MARCHF1: variants seen among roughly 807,000 people sequenced by gnomAD.
MARCHF1 encodes the protein membrane associated ring-CH-type finger 1, also known as E3 ubiquitin-protein ligase MARCHF1.
In MARCHF1, 40 loss-of-function variants were observed where a neutral mutation model predicts 54.2. The observed-to-expected ratio is 0.74, with a 90% CI of 0.57 to 0.96. The LOEUF is 0.96. MARCHF1 is among the 40% of genes least tolerant of loss of function. The pLI is 0.00. For missense variants in MARCHF1, 586 were observed against 656.5 expected, an observed-to-expected ratio of 0.89 and a Z score of 1.17; for synonymous variants, 236 against 236.3, an observed-to-expected ratio of 1.00 and a Z score of 0.01.
At chr4:163,616,058 A>G (rs1442313776) in intron 5 of MARCHF1, among the ~76,000 whole-genome samples, 2 of 152,188 alleles carry the variant, frequency 1.3e-5, no homozygotes, top group African/African-American at 4.8e-5. Context: ...ACTATATATA[A>G]AAATCAACTC....
rs970412607 is a variant in MARCHF1 at position 163,751,165 on chromosome 4, G to A, written c.112-50302C>T. 9.4e-4 allele frequency among the ~76,000 whole-genome samples: 142 copies of A among 151,118 alleles called. 3 individuals are homozygous for A. The highest frequency in any genetic ancestry group is 7.9e-4 in the Admixed American group (12 of 15,178). ...TGTGTGTGTGTGTGTGTGTGTGTGT[G>A]TGTGTGTGTTTGAGACAGAGTCCCT... On this transcript the variant is annotated intron_variant, in intron 4 of 9. Coordinates refer to ENST00000514618, the MANE Select transcript of MARCHF1 (RefSeq NM_001394959.1).
At chr4:163,989,265 G>C (rs968522733) in intron 2 of MARCHF1, among the ~76,000 whole-genome samples, 1 of 149,416 alleles carries the variant, frequency 6.7e-6, no homozygotes, top group Non-Finnish European at 1.5e-5. Flanking sequence ...GAAGAGCATC[G>C]CATGAGATCG....
At chr4:163,977,336 T>C (rs1169798103) in intron 3 of MARCHF1, among the ~76,000 whole-genome samples, 1 of 152,062 alleles carries the variant, frequency 6.6e-6, no homozygotes, top group Non-Finnish European at 1.5e-5. Context: ...AGGACTGTTA[T>C]AACCAGGATT....
At chr4:163,820,409 T>G (rs1748658880) in intron 4 of MARCHF1, among the ~76,000 whole-genome samples, 1 of 152,066 alleles carries the variant, frequency 6.6e-6, no homozygotes, top group African/African-American at 2.4e-5. Context: ...AATTTGAAAT[T>G]CCCTAGACTT....
At chr4:163,990,121 C>A (rs145790263) in intron 2 of MARCHF1, among the ~76,000 whole-genome samples, 5 of 152,168 alleles carry the variant, frequency 3.3e-5, no homozygotes, top group African/African-American at 1.2e-4. Context: ...TATGTAAAGA[C>A]TGAATTAACA....
intron 8 of MARCHF1, among the ~76,000 whole-genome samples, chr4:163,551,561 C>A (rs1739107118): frequency 6.6e-6 from 1 of 152,208 alleles, no homozygotes; most frequent in Non-Finnish European, 1.5e-5. Flanking sequence ...CTAGTTAAGG[C>A]ACTCACTGTT....
chr4:164,293,018 C>T (rs975168401), intron 1 of MARCHF1, among the ~76,000 whole-genome samples: 2 of 152,062 alleles, frequency 1.3e-5, no homozygotes, highest in Non-Finnish European at 2.9e-5. Flanking sequence ...ATGAAAGTCA[C>T]GTTGGTTCAT....
At chr4:163,960,228 G>A (rs946510330) in intron 3 of MARCHF1, among the ~76,000 whole-genome samples, 31 of 151,872 alleles carry the variant, frequency 2.0e-4, no homozygotes, top group African/African-American at 4.6e-4. Flanking sequence ...TATTTCAACC[G>A]TTGTGGAAAG....
chr4:163,895,176 C>A (rs1750779604), intron 3 of MARCHF1, among the ~76,000 whole-genome samples: 1 of 152,122 alleles, frequency 6.6e-6, no homozygotes, highest in South Asian at 2.1e-4. Context: ...TATAACAATG[C>A]ACTTGCAATG....
In MARCHF1 at chr4:163,537,121, T is replaced by A. The variant is rs114937116; in HGVS notation, c.1340-8075A>T. ...CACGATTTTTTTCTACAAAATAAAT[T>A]ACTGTTGAGTGGTTATAAGGATTGT... On this transcript the variant is annotated intron_variant, in intron 9 of 9. Coordinates refer to ENST00000514618, the MANE Select transcript of MARCHF1 (RefSeq NM_001394959.1). Among the ~76,000 whole-genome samples, 1,250 of 147,390 alleles carry A rather than the reference T, an allele frequency of 8.5e-3. 15 individuals are homozygous for A. The highest frequency in any genetic ancestry group is 0.029 in the African/African-American group (1,177 of 40,250).
intron 1 of MARCHF1, among the ~76,000 whole-genome samples, chr4:164,144,544 A>G (rs1414947297): frequency 6.6e-6 from 1 of 152,000 alleles, no homozygotes; most frequent in Non-Finnish European, 1.5e-5. Context: ...ACTACACAGA[A>G]ACTGAACAAC....
chr4:164,116,985 T>C (rs1398076911), intron 1 of MARCHF1, among the ~76,000 whole-genome samples: 1 of 152,072 alleles, frequency 6.6e-6, no homozygotes, highest in Non-Finnish European at 1.5e-5. Context: ...AGGCTGGGCG[T>C]GCTGACTCAC....
chr4:164,199,663 CACACACACACACACACACAGAGAG>C (rs1560950800), intron 1 of MARCHF1, among the ~76,000 whole-genome samples: 9 of 84,990 alleles, frequency 1.1e-4, no homozygotes, highest in South Asian at 9.2e-4. Flanking sequence ...CACACACACA[CACACACACACACACACACAGAGAG>C]AGAGAGAGAG....
At chr4:164,074,347 T>C (rs1248205888) in intron 2 of MARCHF1, among the ~76,000 whole-genome samples, 1 of 152,172 alleles carries the variant, frequency 6.6e-6, no homozygotes, top group African/African-American at 2.4e-5. Flanking sequence ...CTCTGTTTGC[T>C]CTCATTCAAG....
intron 1 of MARCHF1, among the ~76,000 whole-genome samples, chr4:164,160,941 C>CA (rs900390716): frequency 9.2e-5 from 14 of 151,846 alleles, no homozygotes; most frequent in African/African-American, 3.1e-4. Context: ...ATACCTAATA[C>CA]AAAAAAAATG....
chr4:164,045,536 T>C (rs1182634944), intron 2 of MARCHF1, among the ~76,000 whole-genome samples: 1 of 151,316 alleles, frequency 6.6e-6, no homozygotes, highest in East Asian at 1.9e-4. Context: ...AATAAATAAA[T>C]AAATAAATAA....
At chr4:164,232,313 A>C (rs748674421) in intron 1 of MARCHF1, among the ~76,000 whole-genome samples, 1 of 152,180 alleles carries the variant, frequency 6.6e-6, no homozygotes, top group Non-Finnish European at 1.5e-5. Context: ...ACAATGAATA[A>C]ATATTATTCC....
intron 9 of MARCHF1, among the ~76,000 whole-genome samples, chr4:163,532,140 C>A (rs1287670081): frequency 6.6e-6 from 1 of 151,754 alleles, no homozygotes; most frequent in Non-Finnish European, 1.5e-5. Context: ...ATAGCCAACA[C>A]AATATTGAAG....
rs185298387 is a variant in MARCHF1 at position 164,127,657 on chromosome 4, G to A, written c.-322-15995C>T. Among the ~76,000 whole-genome samples, 5 of 152,198 alleles carry A rather than the reference G, an allele frequency of 3.3e-5. No homozygotes were observed. The East Asian group carries it at 9.7e-4, about 29-fold the overall frequency. On this transcript the variant is annotated intron_variant, in intron 1 of 9. Transcript: ENST00000514618. ...GGAATAACTCACTTATTATAGAAGTGATGAGAACAATAAAATGATCAAAGA... is the reference window on the plus strand; with the variant it reads ...GGAATAACTCACTTATTATAGAAGTAATGAGAACAATAAAATGATCAAAGA...
Sources: allele counts gnomAD v4.1 joint callset (sites outside exome capture counted in the v4.1 genomes callset), GRCh38; gene constraint gnomAD v4.1.1; transcripts MANE v1.5; gene names NCBI Gene and HGNC (gene_info 2026-07-23, HGNC 2026-07-21).